PABPC4L: variants seen among roughly 807,000 people sequenced by gnomAD.
PABPC4L encodes the protein poly(A) binding protein cytoplasmic 4 like.
For missense variants in PABPC4L, 452 were observed against 451.4 expected (o/e 1.00, Z -0.01); for synonymous variants, 169 against 164.1 (o/e 1.03, Z -0.23).
At chr4:133,948,535 G>T in the PABPC4L span, among the ~76,000 whole-genome samples, 11 of 152,250 alleles carry the variant, frequency 7.2e-5, no homozygotes, top group Non-Finnish European at 1.5e-4. Context: ...GCCTAGAGAG[G>T]CAAGAGGAGT....
At chr4:134,077,907 T>C in the PABPC4L span, among the ~76,000 whole-genome samples, 1 of 152,080 alleles carries the variant, frequency 6.6e-6, no homozygotes, top group Non-Finnish European at 1.5e-5. Flanking sequence ...CTAAATTACA[T>C]AGAACATCAG....
At chr4:133,996,032 G>A in the PABPC4L span, among the ~76,000 whole-genome samples, 3 of 152,126 alleles carry the variant, frequency 2.0e-5, no homozygotes, top group East Asian at 5.8e-4. Context: ...CAGGCCAAGA[G>A]CTCCCTTTCT....
At chr4:134,000,985 T>C in the PABPC4L span, among the ~76,000 whole-genome samples, 1 of 152,214 alleles carries the variant, frequency 6.6e-6, no homozygotes, top group African/African-American at 2.4e-5. Flanking sequence ...ATCAGTTTTA[T>C]ATACATATAT....
At chr4:134,001,355 C>T in the PABPC4L span, among the ~76,000 whole-genome samples, 1 of 151,886 alleles carries the variant, frequency 6.6e-6, no homozygotes, top group African/African-American at 2.4e-5. Context: ...CATTATCCTA[C>T]ACTGCTCACA....
chr4:134,195,520 AC>A (rs1460370720), downstream of PABPC4L, among the ~76,000 whole-genome samples: 4 of 151,834 alleles, frequency 2.6e-5, no homozygotes. Flanking sequence ...GTTTGGCAAA[AC>A]TTTAAAATAA....
the PABPC4L span, among the ~76,000 whole-genome samples, chr4:134,110,132 C>T: frequency 4.0e-3 from 612 of 151,868 alleles, 7 homozygotes; most frequent in African/African-American, 0.014. Flanking sequence ...AGAAAAGAGC[C>T]TCAAGAAAGA....
the PABPC4L span, among the ~76,000 whole-genome samples, chr4:134,045,838 G>C: frequency 3.0e-4 from 45 of 152,078 alleles, no homozygotes; most frequent in African/African-American, 1.1e-3. Context: ...AGAGCATACT[G>C]ACACATAATT....
At chr4:133,951,800 G>T in the PABPC4L span, among the ~76,000 whole-genome samples, 22 of 152,034 alleles carry the variant, frequency 1.4e-4, no homozygotes, top group Non-Finnish European at 2.6e-4. Context: ...AGAAGGGTCA[G>T]GTTCCCCTTC....
At chr4:133,979,455 G>A in the PABPC4L span, among the ~76,000 whole-genome samples, 1 of 152,152 alleles carries the variant, frequency 6.6e-6, no homozygotes, top group Non-Finnish European at 1.5e-5. Context: ...TCATTATAGT[G>A]CTTTCATAAT....
chr4:134,133,912 T>C, the PABPC4L span, among the ~76,000 whole-genome samples: 1 of 152,090 alleles, frequency 6.6e-6, no homozygotes, highest in South Asian at 2.1e-4. Flanking sequence ...GTGCTTTTTA[T>C]TAAGGTTGTC....
the PABPC4L span, among the ~76,000 whole-genome samples, chr4:134,190,155 A>G: frequency 1.3e-5 from 2 of 152,278 alleles, no homozygotes; most frequent in Non-Finnish European, 2.9e-5. Context: ...ACTGGTTACC[A>G]TACAGGTTTC....
the PABPC4L span, among the ~76,000 whole-genome samples, chr4:134,000,005 G>C: frequency 6.6e-6 from 1 of 151,980 alleles, no homozygotes; most frequent in Non-Finnish European, 1.5e-5. Context: ...AAATTGGCTT[G>C]TAAGTTATAT....
At chr4:134,099,497 C>G in the PABPC4L span, among the ~76,000 whole-genome samples, 1 of 151,730 alleles carries the variant, frequency 6.6e-6, no homozygotes, top group Non-Finnish European at 1.5e-5. Context: ...TCCGTACAAT[C>G]TTGCTAGAAT....
At chr4:134,179,793 T>A in the PABPC4L span, among the ~76,000 whole-genome samples, 1 of 151,690 alleles carries the variant, frequency 6.6e-6, no homozygotes, top group East Asian at 1.9e-4. Flanking sequence ...CAAAAAAAAA[T>A]GCATTACCTA....
chr4:134,158,048 A>G, the PABPC4L span, among the ~76,000 whole-genome samples: 1 of 151,844 alleles, frequency 6.6e-6, no homozygotes, highest in Non-Finnish European at 1.5e-5. Context: ...GCTTTTGAAG[A>G]ATATCCTTAG....
chr4:134,101,577 C>T, the PABPC4L span, among the ~76,000 whole-genome samples: 1 of 151,280 alleles, frequency 6.6e-6, no homozygotes, highest in East Asian at 1.9e-4. Flanking sequence ...CCAAAGAAAC[C>T]TCTCATGAAG....
At chr4:134,069,078 C>A in the PABPC4L span, among the ~76,000 whole-genome samples, 2 of 152,168 alleles carry the variant, frequency 1.3e-5, no homozygotes, top group Non-Finnish European at 2.9e-5. Context: ...ATCTCTCCTT[C>A]GCTTATGAAG....
At chr4:133,952,122 G>A in the PABPC4L span, among the ~76,000 whole-genome samples, 1 of 152,236 alleles carries the variant, frequency 6.6e-6, no homozygotes, top group Admixed American at 6.5e-5. Context: ...GAAATTAGAA[G>A]ATTATCCACA....
chr4:134,122,997 A>T, the PABPC4L span, among the ~76,000 whole-genome samples: 3 of 152,002 alleles, frequency 2.0e-5, no homozygotes, highest in Non-Finnish European at 4.4e-5. Context: ...TACAGTAGTT[A>T]CATTCTATAA....
Sources: gnomAD v4.1 joint callset for allele counts (sites outside exome capture counted in the v4.1 genomes callset) on GRCh38, gnomAD v4.1.1 for gene constraint, MANE v1.5 for transcripts, NCBI Gene and HGNC (gene_info 2026-07-23, HGNC 2026-07-21) for gene names.